Variants in AMD1 observed in about 807,000 individuals in gnomAD.
AMD1 encodes the protein adenosylmethionine decarboxylase 1.
In AMD1, 11 loss-of-function variants were observed where a neutral mutation model predicts 40.2. That is an observed-to-expected ratio of 0.27 (90% CI 0.17 to 0.45). The LOEUF (loss-of-function observed/expected upper bound fraction) is 0.45, where lower values mean the gene tolerates loss of function less well. AMD1 is among the 20% of genes least tolerant of loss of function. AMD1 has a pLI of 1.00. For missense variants in AMD1, 257 were observed against 410.2 expected, an observed-to-expected ratio of 0.63 and a Z score of 3.23; for synonymous variants, 121 against 130.8, an observed-to-expected ratio of 0.93 and a Z score of 0.51.
chr6:110,845,416 C>T, the AMD1 span, among the ~76,000 whole-genome samples: 1 of 152,128 alleles, frequency 6.6e-6, no homozygotes, highest in Non-Finnish European at 1.5e-5. Context: ...GAGAGATCTG[C>T]TCCCATGACT....
the AMD1 span, chr6:110,814,966 G>A: frequency 6.3e-7 from 1 of 1,596,850 alleles, no homozygotes; most frequent in Non-Finnish European, 8.5e-7. Context: ...CGCGGGCAGG[G>A]CGAGGACCCG....
chr6:110,891,109 T>A (rs1785994066), intron 4 of AMD1: 1 of 152,322 alleles, frequency 6.6e-6, no homozygotes, highest in East Asian at 1.9e-4. Context: ...TTTTTGCGTT[T>A]TTGTTTGAGA....
the AMD1 span, among the ~76,000 whole-genome samples, chr6:110,816,978 A>G: frequency 1.3e-5 from 2 of 152,226 alleles, no homozygotes; most frequent in African/African-American, 4.8e-5. Context: ...TTGTGCATAC[A>G]TACGTAATTA....
the AMD1 span, among the ~76,000 whole-genome samples, chr6:110,824,965 T>A: frequency 1.3e-5 from 2 of 152,128 alleles, no homozygotes; most frequent in Non-Finnish European, 2.9e-5. Context: ...GGTTAGACAG[T>A]GATAGGATTT....
At chr6:110,862,890 TG>T in the AMD1 span, among the ~76,000 whole-genome samples, 1 of 152,234 alleles carries the variant, frequency 6.6e-6, no homozygotes, top group African/African-American at 2.4e-5. Flanking sequence ...TGTGGACTTG[TG>T]GTCCTCACGA....
At chr6:110,873,368 A>G (rs1272274877), upstream of AMD1, among the ~76,000 whole-genome samples, 1 of 152,242 alleles carries the variant, frequency 6.6e-6, no homozygotes, top group Non-Finnish European at 1.5e-5. Context: ...CGTCTCAGAC[A>G]AACAAAACAA....
chr6:110,863,196 C>T, the AMD1 span, among the ~76,000 whole-genome samples: 3 of 151,822 alleles, frequency 2.0e-5, no homozygotes, highest in African/African-American at 7.3e-5. Flanking sequence ...CCGCCCGCCT[C>T]GGCCTCCCAA....
the AMD1 span, chr6:110,815,023 C>T: frequency 1.9e-6 from 3 of 1,604,114 alleles, no homozygotes; most frequent in Non-Finnish European, 1.7e-6. Context: ...CTTTCCGCCT[C>T]GCCTTGTAGA....
the AMD1 span, among the ~76,000 whole-genome samples, chr6:110,828,376 T>C: frequency 1.3e-5 from 2 of 150,980 alleles, no homozygotes; most frequent in South Asian, 2.1e-4. Context: ...GAGGTTGCAG[T>C]GAGCTAAGAT....
chr6:110,863,962 A>G, the AMD1 span: 1 of 470,466 alleles, frequency 2.1e-6, no homozygotes, highest in Non-Finnish European at 4.1e-6. Context: ...AGTTACCACT[A>G]ATCTTTTTTT....
chr6:110,815,171 GGCC>G, the AMD1 span: 1 of 1,555,554 alleles, frequency 6.4e-7, no homozygotes. Flanking sequence ...GGGACGCGGG[GGCC>G]GCCGCCGCTC....
chr6:110,892,002 G>T, intron 4 of AMD1, 159 bp from the exon 5 acceptor site: 1 of 840,374 alleles, frequency 1.2e-6, no homozygotes, highest in Non-Finnish European at 1.9e-6. Flanking sequence ...GCCAAAAGGG[G>T]TGGGATTATA....
At chr6:110,818,526 A>T in the AMD1 span, among the ~76,000 whole-genome samples, 2 of 144,710 alleles carry the variant, frequency 1.4e-5, no homozygotes, top group Non-Finnish European at 2.9e-5. Context: ...TATCTTATTT[A>T]TATATATATT....
At chr6:110,882,997 C>A (rs184478712) in intron 1 of AMD1, among the ~76,000 whole-genome samples, 1 of 151,988 alleles carries the variant, frequency 6.6e-6, no homozygotes, top group Non-Finnish European at 1.5e-5. Flanking sequence ...GTGATACATG[C>A]CCTGTGGTCC....
At chr6:110,836,291 T>C in the AMD1 span, among the ~76,000 whole-genome samples, 2 of 152,102 alleles carry the variant, frequency 1.3e-5, no homozygotes, top group Non-Finnish European at 2.9e-5. Context: ...TTATGTATGA[T>C]GTTGGCTATG....
the AMD1 span, among the ~76,000 whole-genome samples, chr6:110,839,535 C>T: frequency 6.6e-6 from 1 of 152,106 alleles, no homozygotes. Flanking sequence ...GCAGGAGAAT[C>T]GCTCAATCCC....
At chr6:110,882,444 G>A (rs1395825256) in intron 1 of AMD1, among the ~76,000 whole-genome samples, 1 of 152,128 alleles carries the variant, frequency 6.6e-6, no homozygotes, top group African/African-American at 2.4e-5. Flanking sequence ...TAAATGAATG[G>A]GTGTGGCTAG....
the AMD1 span, among the ~76,000 whole-genome samples, chr6:110,855,253 T>G: frequency 6.6e-6 from 1 of 151,882 alleles, no homozygotes; most frequent in Non-Finnish European, 1.5e-5. Context: ...TCTGAAAATT[T>G]CCACATGTAC....
chr6:110,882,312 A>T (rs1019417970), intron 1 of AMD1, among the ~76,000 whole-genome samples: 1 of 152,230 alleles, frequency 6.6e-6, no homozygotes, highest in African/African-American at 2.4e-5. Flanking sequence ...TTCCTCCAAA[A>T]CAAGAGTCAG....
Sources: gnomAD v4.1 joint callset for allele counts (sites outside exome capture counted in the v4.1 genomes callset) on GRCh38, gnomAD v4.1.1 for gene constraint, MANE v1.5 for transcripts, NCBI Gene and HGNC (gene_info 2026-07-23, HGNC 2026-07-21) for gene names.